The following CACNA2D3 variants were observed in gnomAD, a reference collection of about 807,000 sequenced individuals.
CACNA2D3 encodes calcium voltage-gated channel auxiliary subunit alpha2delta 3.
Under a neutral mutation model 160.6 loss-of-function variants are expected in CACNA2D3, and 60 were observed. The observed-to-expected ratio is 0.37, with a 90% CI of 0.30 to 0.46. The LOEUF (loss-of-function observed/expected upper bound fraction) is 0.46, where lower values mean the gene tolerates loss of function less well. Among genes scored for constraint, CACNA2D3 ranks in the 20% least tolerant of loss-of-function variants. The pLI is 1.00. For synonymous variants in CACNA2D3, 558 were observed against 492.9 expected (o/e 1.13, Z -1.75); for missense variants, 1,205 against 1,365.0 (o/e 0.88, Z 1.85).
Position 54,863,662 on chromosome 3 carries a change from A to G in CACNA2D3, c.1627-7877A>G, listed in dbSNP as rs577787880. 1.1e-4 allele frequency among the ~76,000 whole-genome samples: 17 copies of G among 152,092 alleles called. 1 individual carries two copies. The South Asian group carries it at 3.5e-3, about 32-fold the overall frequency. Reference sequence around the variant, plus strand: ...TGTGACTCATGGCTACCCAGAGGACACTGATTAAGATAAAGGTCATTCAGG... The same window carrying G: ...TGTGACTCATGGCTACCCAGAGGACGCTGATTAAGATAAAGGTCATTCAGG... On this transcript the variant is annotated intron_variant, in intron 17 of 37. Coordinates refer to ENST00000474759, the MANE Select transcript of CACNA2D3 (RefSeq NM_018398.3).
At chr3:54,957,429 G>A (rs1226640007) in intron 27 of CACNA2D3, among the ~76,000 whole-genome samples, 5 of 152,080 alleles carry the variant, frequency 3.3e-5, no homozygotes, top group African/African-American at 9.7e-5. Flanking sequence ...GATTACAGGT[G>A]TGAGCCACCA....
intron 2 of CACNA2D3, among the ~76,000 whole-genome samples, chr3:54,268,459 G>T (rs1180096674): frequency 6.6e-6 from 1 of 152,144 alleles, no homozygotes; most frequent in African/African-American, 2.4e-5. Flanking sequence ...GCCCAGGCTG[G>T]AGTGCAGTGG....
chr3:54,944,022 T>C (rs181503474), intron 27 of CACNA2D3, among the ~76,000 whole-genome samples: 17 of 152,346 alleles, frequency 1.1e-4, no homozygotes, highest in African/African-American at 3.8e-4. Context: ...GGCCATAGAA[T>C]ACCTGGCTGA....
At position 54,891,402 on chromosome 3, in the gene CACNA2D3, G is replaced by A; in HGVS notation, c.2198G>A (p.Gly733Asp). ...GTTGCCTTCCTCGGCACTCGCACGG[G>A]CCTCTCCAGAATCAACCTGTTTGTC... ...VEVAFLGTRT[G>D]LSRINLFVGA... Residue 733 changes from glycine (G) to aspartate (D), a missense_variant, in exon 25 of 38, where the codon GGC becomes GAC. Physicochemically the swap from Gly to Asp is moderately conservative, Grantham distance 94. Transcript: ENST00000474759. 1 of 1,613,856 alleles carries A rather than the reference G, an allele frequency of 6.2e-7. No homozygotes were observed. The highest frequency in any genetic ancestry group is 1.1e-5 in the South Asian group (1 of 91,072).
chr3:54,925,458 C>T lies in CACNA2D3; in HGVS notation c.2449+25590C>T, dbSNP rs535429886. On this transcript the variant is annotated intron_variant, in intron 27 of 37. Transcript: ENST00000474759. Reference sequence around the variant, plus strand: ...CGTCTGAAGCCTTGAGAAAGATACTCTCAGTGTCTTCTGATTCGGAAGATG... The same window carrying T: ...CGTCTGAAGCCTTGAGAAAGATACTTTCAGTGTCTTCTGATTCGGAAGATG... Among the ~76,000 whole-genome samples the T allele has an allele frequency of 2.6e-5, 4 of 152,272 alleles. No individual in the cohort carries two copies. The South Asian group carries it at 8.3e-4, about 32-fold the overall frequency.
chr3:54,314,339 C>T (rs1186795506), intron 2 of CACNA2D3, among the ~76,000 whole-genome samples: 5 of 152,146 alleles, frequency 3.3e-5, no homozygotes, highest in Non-Finnish European at 5.9e-5. Context: ...CACAATTTTC[C>T]GATAGCGAAT....
At chr3:54,984,139 C>G (rs1702564062) in intron 29 of CACNA2D3, among the ~76,000 whole-genome samples, 1 of 152,196 alleles carries the variant, frequency 6.6e-6, no homozygotes, top group Non-Finnish European at 1.5e-5. Flanking sequence ...TACCTGGTCC[C>G]CTGATGGTCC....
intron 29 of CACNA2D3, among the ~76,000 whole-genome samples, chr3:54,978,568 C>T (rs1360692329): frequency 2.0e-5 from 3 of 152,194 alleles, no homozygotes; most frequent in African/African-American, 7.2e-5. Context: ...CATTTCTACA[C>T]AAAGAGTACA....
chr3:54,191,393 A>G (rs1265914940), intron 2 of CACNA2D3, among the ~76,000 whole-genome samples: 1 of 95,654 alleles, frequency 1.0e-5, no homozygotes. Flanking sequence ...CTTTTAAAAC[A>G]TCAACATCAT....
chr3:54,268,049 A>G (rs541030973), intron 2 of CACNA2D3, among the ~76,000 whole-genome samples: 4 of 152,314 alleles, frequency 2.6e-5, no homozygotes, highest in South Asian at 2.1e-4. Context: ...TCTGAAACCT[A>G]TGGTTGGTAT....
intron 13 of CACNA2D3, among the ~76,000 whole-genome samples, chr3:54,771,325 G>A (rs1459379109): frequency 6.6e-6 from 1 of 152,164 alleles, no homozygotes; most frequent in African/African-American, 2.4e-5. Flanking sequence ...GCTTTAAACA[G>A]CACAAGTGTA....
At chr3:54,333,712 A>G (rs1704317506) in intron 3 of CACNA2D3, among the ~76,000 whole-genome samples, 2 of 152,042 alleles carry the variant, frequency 1.3e-5, no homozygotes, top group Non-Finnish European at 1.5e-5. Context: ...AAGGGAAGCA[A>G]AGAGCCTGCT....
intron 27 of CACNA2D3, among the ~76,000 whole-genome samples, chr3:54,946,159 G>A (rs1701608461): frequency 6.6e-6 from 1 of 152,180 alleles, no homozygotes; most frequent in Admixed American, 6.5e-5. Flanking sequence ...CCACCTCAGT[G>A]TCTTAGCTTC....
At chr3:54,932,080 G>T (rs980555408) in intron 27 of CACNA2D3, among the ~76,000 whole-genome samples, 1 of 152,132 alleles carries the variant, frequency 6.6e-6, no homozygotes, top group African/African-American at 2.4e-5. Flanking sequence ...TACTCGGGAG[G>T]CTGAGGTAGG....
At chr3:54,981,290 T>TA (rs1410277417) in intron 29 of CACNA2D3, among the ~76,000 whole-genome samples, 2 of 152,224 alleles carry the variant, frequency 1.3e-5, no homozygotes, top group Non-Finnish European at 2.9e-5. Flanking sequence ...CACTGTATCT[T>TA]AGAGTACCCC....
Position 54,984,878 on chromosome 3 carries a change from G to C in CACNA2D3, c.2619+208G>C, listed in dbSNP as rs113491411. On this transcript the variant is annotated intron_variant, in intron 30 of 37. Transcript: ENST00000474759. ...AAAGAGTTTTTACCTCCCACTGGGG[G>C]GTGCAGGGGGGTGACAGTGCCCAGG... Among the ~76,000 whole-genome samples the C allele has an allele frequency of 3.0e-3, 456 of 152,256 alleles. 2 individuals are homozygous for C. Among genetic ancestry groups the C allele is most frequent in the Non-Finnish European group, 5.0e-3 (337 of 68,012 alleles).
intron 31 of CACNA2D3, among the ~76,000 whole-genome samples, chr3:55,001,753 A>G (rs1413823230): frequency 6.6e-6 from 1 of 152,268 alleles, no homozygotes; most frequent in Admixed American, 6.5e-5. Context: ...CACTTAGAGC[A>G]TATTTCAGTG....
chr3:54,463,072 A>T (rs1700538410), intron 4 of CACNA2D3, among the ~76,000 whole-genome samples: 1 of 151,562 alleles, frequency 6.6e-6, no homozygotes. Context: ...TGGGTTGAAA[A>T]TTCTTTTCTT....
At chr3:54,681,524 T>C (rs1700350621) in intron 11 of CACNA2D3, among the ~76,000 whole-genome samples, 2 of 138,688 alleles carry the variant, frequency 1.4e-5, no homozygotes, top group East Asian at 2.2e-4. Context: ...TTCACTGCAC[T>C]CCAGCCTGGG....
Sources: allele counts gnomAD v4.1 joint callset (sites outside exome capture counted in the v4.1 genomes callset), GRCh38; gene constraint gnomAD v4.1.1; transcripts MANE v1.5; gene names NCBI Gene and HGNC (gene_info 2026-07-23, HGNC 2026-07-21).